TRAF3IP1: variants seen among roughly 807,000 people sequenced by gnomAD.
TRAF3IP1 encodes intraflagellar transport 54.
TRAF3IP1 carries 53 observed loss-of-function variants against 89.9 expected under a neutral mutation model. The ratio of observed to expected loss-of-function variants is 0.59; its 90% CI spans 0.47 to 0.74. The LOEUF is 0.74. Ranked by LOEUF, TRAF3IP1 falls within the 30% of genes least tolerant of loss-of-function variation. TRAF3IP1 has a pLI of 0.00. For synonymous variants in TRAF3IP1, 311 were observed against 322.1 expected, an observed-to-expected ratio of 0.97 and a Z score of 0.37; for missense variants, 806 against 866.1, an observed-to-expected ratio of 0.93 and a Z score of 0.87.
chr2:238,395,010 G>A (rs1701146573), intron 15 of TRAF3IP1, among the ~76,000 whole-genome samples: 1 of 152,190 alleles, frequency 6.6e-6, no homozygotes, highest in South Asian at 2.1e-4. Context: ...AAGTGGGTGA[G>A]GCAAGGAAGG....
chr2:238,373,632 A>G (rs180799188), intron 15 of TRAF3IP1, among the ~76,000 whole-genome samples: 18 of 152,266 alleles, frequency 1.2e-4, no homozygotes, highest in African/African-American at 3.6e-4. Flanking sequence ...TTTTGGTTCC[A>G]TATGAACTTT....
At chr2:238,338,478 A>T (rs1487413625) in intron 8 of TRAF3IP1, 21 bp downstream of exon 8, 1 of 1,347,038 alleles carries the variant, frequency 7.4e-7, no homozygotes, top group Non-Finnish European at 1.0e-6. Flanking sequence ...TATATTCTTT[A>T]GTTTAAATTC....
At chr2:238,336,422 C>T (rs150889092) in intron 7 of TRAF3IP1, among the ~76,000 whole-genome samples, 1 of 152,258 alleles carries the variant, frequency 6.6e-6, no homozygotes, top group Non-Finnish European at 1.5e-5. Flanking sequence ...AGTAGGTTCT[C>T]ATTTGGGCAA....
chr2:238,356,131 C>A (rs1157848984), intron 15 of TRAF3IP1, 51 bp downstream of exon 15: 3 of 1,361,932 alleles, frequency 2.2e-6, no homozygotes, highest in Admixed American at 1.7e-5. Context: ...CTGTTTCATG[C>A]ATTTACAGAC....
Position 238,379,697 on chromosome 2 carries a change from C to G in TRAF3IP1, c.1690-17762C>G, listed in dbSNP as rs1700466366. ...GCCAGCCATTCAGTTCAGTGGGTCTCTTGTTGCCCAGTAACTACCTTTTAT... is the reference window on the plus strand; with the variant it reads ...GCCAGCCATTCAGTTCAGTGGGTCTGTTGTTGCCCAGTAACTACCTTTTAT... On this transcript the variant is annotated intron_variant, in intron 15 of 16. Transcript: ENST00000373327. This position sits in a 1 kb window ranked among gnomAD's most constrained non-coding sequence, Gnocchi z 4.0. Among the ~76,000 whole-genome samples the G allele has an allele frequency of 6.6e-6, 1 of 152,160 alleles. No homozygotes were observed. The highest frequency in any genetic ancestry group is 1.5e-5 in the Non-Finnish European group (1 of 68,046).
At chr2:238,349,520 T>C (rs1011036383) in intron 12 of TRAF3IP1, 112 bp downstream of exon 12, 9 of 1,094,678 alleles carry the variant, frequency 8.2e-6, no homozygotes, top group Non-Finnish European at 1.2e-5. Context: ...GGAAACATGC[T>C]ATTGAGGAAC....
In TRAF3IP1 at chr2:238,321,303, T is replaced by C. The variant is rs181749549; in HGVS notation, c.123+518T>C. Among the ~76,000 whole-genome samples the C allele has an allele frequency of 5.7e-3, 870 of 152,354 alleles. 9 individuals are homozygous for C. Among genetic ancestry groups the C allele is most frequent in the South Asian group, 0.012 (59 of 4,832 alleles). Reference sequence around the variant, plus strand: ...TCTAACCTTGCAGAACCCCTCTCGCTTGCCCTGAAGTATGTAGCACGTGGA... The same window carrying C: ...TCTAACCTTGCAGAACCCCTCTCGCCTGCCCTGAAGTATGTAGCACGTGGA... On this transcript the variant is annotated intron_variant, in intron 1 of 16. Coordinates refer to ENST00000373327, the MANE Select transcript of TRAF3IP1 (RefSeq NM_015650.4).
Position 238,320,800 on chromosome 2 carries a change from C to T in TRAF3IP1, c.123+15C>T. ...TCATCACGGAGGTGGGCGCCGGGGA[C>T]CGGGCCCGGCCAGGTGCGGGTCGGG... On this transcript the variant is annotated intron_variant, in intron 1 of 16. Coordinates refer to ENST00000373327, the MANE Select transcript of TRAF3IP1 (RefSeq NM_015650.4). The T allele has an allele frequency of 7.2e-7, 1 of 1,395,388 alleles. No individual in the cohort carries two copies. Among genetic ancestry groups the T allele is most frequent in the South Asian group, 1.4e-5 (1 of 69,288 alleles). The allele number at this position is 1,395,388 out of a possible 1,614,324, so 86.4% of individuals were successfully genotyped here. A position where few individuals can be genotyped will look rare whatever the true frequency, so the allele number is the denominator to read the frequency against.
At position 238,328,516 on chromosome 2, in the gene TRAF3IP1, C is replaced by T. The variant is rs7568830; in HGVS notation, c.355-170C>T. Among the ~76,000 whole-genome samples, 17,767 of 152,184 alleles carry T rather than the reference C, an allele frequency of 0.12. 1,768 individuals are homozygous for T. The highest frequency in any genetic ancestry group is 0.27 in the African/African-American group (11,128 of 41,462). Reference sequence around the variant, plus strand: ...TGAAAGTAATAGTTATCAAGATATGCTGTGCTTTGTATGTGATAATAACAT... The same window carrying T: ...TGAAAGTAATAGTTATCAAGATATGTTGTGCTTTGTATGTGATAATAACAT... On this transcript the variant is annotated intron_variant, in intron 3 of 16. Transcript: ENST00000373327.
At chr2:238,326,103 TC>T in intron 3 of TRAF3IP1, 133 bp downstream of exon 3, 1 of 805,304 alleles carries the variant, frequency 1.2e-6, no homozygotes. Flanking sequence ...GTGCTTTGAA[TC>T]TGATCCCACC....
At chr2:238,334,761 A>G (rs1232343921) in intron 7 of TRAF3IP1, among the ~76,000 whole-genome samples, 3 of 152,220 alleles carry the variant, frequency 2.0e-5, no homozygotes, top group African/African-American at 7.2e-5. Context: ...AATAATTAGT[A>G]ATGCGTTTGT....
At chr2:238,324,629 G>A (rs1040488173) in intron 1 of TRAF3IP1, among the ~76,000 whole-genome samples, 1 of 151,726 alleles carries the variant, frequency 6.6e-6, no homozygotes, top group African/African-American at 2.4e-5. Context: ...TTTTTGAGAC[G>A]GAGTCTGGCT....
intron 15 of TRAF3IP1, among the ~76,000 whole-genome samples, chr2:238,377,230 C>CTTTTTTTTTTT (rs71402784): frequency 5.8e-5 from 5 of 86,716 alleles, no homozygotes; most frequent in Admixed American, 3.3e-4. Context: ...TCCTGATTTT[C>CTTTTTTTTTTT]TTTTTTTTTT....
chr2:238,397,306 C>T, intron 15 of TRAF3IP1, 153 bp from the exon 16 acceptor site: 1 of 642,056 alleles, frequency 1.6e-6, no homozygotes, highest in South Asian at 1.8e-5. Flanking sequence ...CAGCATGGCT[C>T]TCCCTTTGCA....
rs1700385768 is a variant in TRAF3IP1 at position 238,377,931 on chromosome 2, G to T, written c.1690-19528G>T. Among the ~76,000 whole-genome samples, 5 of 152,148 alleles carry T rather than the reference G, an allele frequency of 3.3e-5. No individual in the cohort carries two copies. The South Asian group carries it at 1.0e-3, about 32-fold the overall frequency. On this transcript the variant is annotated intron_variant, in intron 15 of 16. Transcript: ENST00000373327. ...AGTCCATTTTGACTGTCAGTTTTTT[G>T]AAAATTTTCAAGCTTATTGGAAAAA...
At chr2:238,398,505 A>G (rs1055138987) in intron 16 of TRAF3IP1, among the ~76,000 whole-genome samples, 1 of 151,950 alleles carries the variant, frequency 6.6e-6, no homozygotes, top group Non-Finnish European at 1.5e-5. Flanking sequence ...CTTGTCCCAG[A>G]GGTTGTTCTG....
At chr2:238,335,363 G>T (rs930922284) in intron 7 of TRAF3IP1, among the ~76,000 whole-genome samples, 48 of 152,170 alleles carry the variant, frequency 3.2e-4, no homozygotes, top group African/African-American at 1.2e-3. Flanking sequence ...GTGGTTCCAG[G>T]ATCACTTATT....
intron 15 of TRAF3IP1, among the ~76,000 whole-genome samples, chr2:238,362,192 CT>C (rs1271390689): frequency 6.6e-6 from 1 of 152,136 alleles, no homozygotes; most frequent in Non-Finnish European, 1.5e-5. Flanking sequence ...AGTTCCTTCT[CT>C]TTTCATTCTT....
chr2:238,342,882 G>A lies in TRAF3IP1; in HGVS notation c.1160-1615G>A. Among the ~76,000 whole-genome samples, 2 of 152,260 alleles carry A rather than the reference G, an allele frequency of 1.3e-5. 1 individual carries two copies. Among genetic ancestry groups the A allele is most frequent in the Middle Eastern group, 6.8e-3 (2 of 294 alleles). ...TTATAAATAAAACAGTTATATGATA[G>A]TTAATGTCAGGTTGATTCTGATGTA... On this transcript the variant is annotated intron_variant, in intron 8 of 16. Transcript: ENST00000373327.
Sources: allele counts gnomAD v4.1 joint callset (sites outside exome capture counted in the v4.1 genomes callset), GRCh38; gene constraint gnomAD v4.1.1; non-coding constraint Gnocchi (gnomAD v3.1); transcripts MANE v1.5; gene names NCBI Gene and HGNC (gene_info 2026-07-23, HGNC 2026-07-21).